Variants in GRM1 observed in about 807,000 individuals in gnomAD.
GRM1 encodes the protein metabotropic glutamate receptor 1.
In GRM1, 33 loss-of-function variants were observed where a neutral mutation model predicts 90.9. The observed-to-expected ratio is 0.36, with a 90% CI of 0.28 to 0.49. The LOEUF (loss-of-function observed/expected upper bound fraction) is 0.49, where lower values mean the gene tolerates loss of function less well. Ranked by LOEUF, GRM1 falls within the 20% of genes least tolerant of loss-of-function variation. The probability of loss-of-function intolerance (pLI) is 0.99; values close to 1 mark genes in which losing one functional copy is unlikely to be tolerated. For synonymous variants in GRM1, 700 were observed against 613.2 expected (o/e 1.14, Z -2.09); for missense variants, 1,190 against 1,534.3 (o/e 0.78, Z 3.75).
chr6:146,383,413 G>T (rs1421416318), intron 5 of GRM1, among the ~76,000 whole-genome samples: 1 of 152,042 alleles, frequency 6.6e-6, no homozygotes, highest in South Asian at 2.1e-4. Context: ...ATTCATGATG[G>T]CTCTTACTGT....
At chr6:146,417,879 T>C (rs1433913094) in intron 7 of GRM1, among the ~76,000 whole-genome samples, 2 of 152,182 alleles carry the variant, frequency 1.3e-5, no homozygotes, top group African/African-American at 4.8e-5. Context: ...ATAAAAAGTC[T>C]GACTTTGGAA....
chr6:146,233,827 G>A (rs1780531505), intron 2 of GRM1, among the ~76,000 whole-genome samples: 1 of 152,070 alleles, frequency 6.6e-6, no homozygotes, highest in Admixed American at 6.6e-5. Context: ...AGGTCAGAGT[G>A]TGGTTTAGCT....
In GRM1 at chr6:146,029,646, A is replaced by C; in HGVS notation, c.129A>C (p.Gly43=). 6.2e-7 allele frequency: 1 copy of C among 1,614,012 alleles called. No homozygotes were observed. Among genetic ancestry groups the C allele is most frequent in the Non-Finnish European group, 8.5e-7 (1 of 1,179,994 alleles). The change falls in exon 1 of 8, where the codon GGA becomes GGC. Residue 43 remains glycine (G), a synonymous_variant. Transcript: ENST00000282753. ...SSQRSVARMD[G]DVIIGALFSV... ...AGCGCTCGGTGGCCAGAATGGACGG[A>C]GATGTCATCATTGGAGCCCTCTTCT...
intron 3 of GRM1, among the ~76,000 whole-genome samples, chr6:146,320,774 C>A (rs1423711194): frequency 1.3e-5 from 2 of 152,110 alleles, no homozygotes; most frequent in Admixed American, 1.3e-4. Flanking sequence ...TTATTCTATT[C>A]TCTGATAGTA....
chr6:146,427,563 TA>T (rs1778255759), intron 7 of GRM1, among the ~76,000 whole-genome samples: 2 of 152,228 alleles, frequency 1.3e-5, no homozygotes, highest in Admixed American at 1.3e-4. Context: ...AATAGGGCCA[TA>T]ACATCTCTTC....
At chr6:146,307,345 C>G (rs1213607967) in intron 3 of GRM1, among the ~76,000 whole-genome samples, 1 of 152,100 alleles carries the variant, frequency 6.6e-6, no homozygotes, top group African/African-American at 2.4e-5. Context: ...CTAAGGAAGG[C>G]AGGAGGTTTA....
chr6:146,133,695 C>G (rs1776496439), intron 1 of GRM1, among the ~76,000 whole-genome samples: 1 of 152,140 alleles, frequency 6.6e-6, no homozygotes, highest in South Asian at 2.1e-4. Context: ...CACCTGGGAC[C>G]CAACTGCATG....
At chr6:146,316,465 C>T (rs759638888) in intron 3 of GRM1, among the ~76,000 whole-genome samples, 29 of 152,318 alleles carry the variant, frequency 1.9e-4, no homozygotes, top group Non-Finnish European at 3.5e-4. Context: ...GGGACTGTTA[C>T]GTTGTCTACC....
At chr6:146,227,917 T>C (rs1239472722) in intron 2 of GRM1, among the ~76,000 whole-genome samples, 1 of 152,190 alleles carries the variant, frequency 6.6e-6, no homozygotes, top group African/African-American at 2.4e-5. Flanking sequence ...TTAGAGGGCA[T>C]TATTATGAGT....
chr6:146,029,798 T>C lies in GRM1; in HGVS notation c.281T>C (p.Val94Ala). The part of the protein sequence containing the change: ...HTLDKINADP[V>A]LLPNITLGSE... ...TTGGATAAGATCAACGCGGACCCGG[T>C]CCTCCTGCCCAACATCACCCTGGGC... Residue 94 changes from valine (V) to alanine (A), a missense_variant, in exon 1 of 8, where the codon GTC (valine) becomes GCC (alanine). By Grantham distance (64) the Val-to-Ala change is moderately conservative. Coordinates refer to ENST00000282753, the MANE Select transcript of GRM1 (RefSeq NM_001278064.2). 1.2e-6 allele frequency: 2 copies of C among 1,613,980 alleles called. No individual in the cohort carries two copies.
At chr6:146,259,592 T>C (rs926423275) in intron 2 of GRM1, among the ~76,000 whole-genome samples, 1 of 152,178 alleles carries the variant, frequency 6.6e-6, no homozygotes, top group Non-Finnish European at 1.5e-5. Flanking sequence ...CTTAGTATAA[T>C]GCCCTCTATG....
At chr6:146,306,630 T>C (rs1314467345) in intron 3 of GRM1, among the ~76,000 whole-genome samples, 1 of 152,104 alleles carries the variant, frequency 6.6e-6, no homozygotes, top group African/African-American at 2.4e-5. Context: ...AATTGATCAG[T>C]TAATTTACAT....
Position 146,434,992 on chromosome 6 carries a change from C to T in GRM1, c.*196C>T, listed in dbSNP as rs1583497895. ...GGAAGGACACCAAGCAAAAAATGTT[C>T]CAGGCCAGGATTCGGATTCTTGAAT... On this transcript the variant is annotated 3_prime_UTR_variant, in exon 8 of 8. Coordinates refer to ENST00000282753, the MANE Select transcript of GRM1 (RefSeq NM_001278064.2). The T allele has an allele frequency of 6.6e-6, 1 of 150,554 alleles. No homozygotes were observed. Among genetic ancestry groups the T allele is most frequent in the Non-Finnish European group, 1.2e-5 (1 of 81,476 alleles). 9.3% of individuals were successfully genotyped at this position (150,554 alleles called of 1,614,324 possible).
rs138519832 is a variant in GRM1 at position 146,340,137 on chromosome 6, A to G, written c.1187-12113A>G. Among the ~76,000 whole-genome samples, 592 of 152,320 alleles carry G rather than the reference A, an allele frequency of 3.9e-3. 2 individuals are homozygous for G. Among genetic ancestry groups the G allele is most frequent in the African/African-American group, 0.014 (564 of 41,570 alleles). ...GGGGCACTACTGAAAAATCAATGCC[A>G]GGTATGTACTTAGAGAAGCTTCTGT... On this transcript the variant is annotated intron_variant, in intron 3 of 7. Coordinates refer to ENST00000282753, the MANE Select transcript of GRM1 (RefSeq NM_001278064.2).
At position 146,284,773 on chromosome 6, in the gene GRM1, C is replaced by T. The variant is rs894849410; in HGVS notation, c.951-19838C>T. On this transcript the variant is annotated intron_variant, in intron 2 of 7. Transcript: ENST00000282753. ...CATGATGGTAAGTTTTCTGAGGCCT[C>T]TCCAGCCATGTGGAACTGTGAGTCA... Among the ~76,000 whole-genome samples, 15 of 152,300 alleles carry T rather than the reference C, an allele frequency of 9.8e-5. No individual in the cohort carries two copies. The East Asian group carries it at 2.7e-3, about 27-fold the overall frequency.
At chr6:146,077,917 C>T (rs550816488) in intron 1 of GRM1, among the ~76,000 whole-genome samples, 28 of 152,026 alleles carry the variant, frequency 1.8e-4, no homozygotes, top group Non-Finnish European at 3.5e-4. Context: ...AGGAGGGCAG[C>T]TAATGAAGAT....
At chr6:146,213,238 G>A (rs150209437) in intron 2 of GRM1, among the ~76,000 whole-genome samples, 330 of 152,200 alleles carry the variant, frequency 2.2e-3, no homozygotes, top group African/African-American at 7.2e-3. Context: ...TTATGAGAGA[G>A]GTTGTATCAG....
chr6:146,232,598 TTG>T (rs1247524760), intron 2 of GRM1, among the ~76,000 whole-genome samples: 1 of 152,064 alleles, frequency 6.6e-6, no homozygotes, highest in East Asian at 1.9e-4. Context: ...AGTCACCCTG[TTG>T]TGTTATCAAA....
At chr6:146,329,275 A>T (rs362973) in intron 3 of GRM1, among the ~76,000 whole-genome samples, 6 of 152,194 alleles carry the variant, frequency 3.9e-5, no homozygotes, top group Non-Finnish European at 8.8e-5. Flanking sequence ...TCCCTGGCAT[A>T]GATCTCTCAC....
Sources: gnomAD v4.1 joint callset for allele counts (sites outside exome capture counted in the v4.1 genomes callset) on GRCh38, gnomAD v4.1.1 for gene constraint, MANE v1.5 for transcripts, NCBI Gene and HGNC (gene_info 2026-07-23, HGNC 2026-07-21) for gene names.